The following PPM1E variants were observed in gnomAD, a reference collection of about 807,000 sequenced individuals.
PPM1E encodes protein phosphatase, Mg2+/Mn2+ dependent 1E.
Under a neutral mutation model 65.9 loss-of-function variants are expected in PPM1E, and 20 were observed. The ratio of observed to expected loss-of-function variants is 0.30; its 90% CI spans 0.21 to 0.44. The LOEUF (loss-of-function observed/expected upper bound fraction) is 0.44. Ranked by LOEUF, PPM1E falls within the 20% of genes least tolerant of loss-of-function variation. PPM1E has a pLI of 1.00. For synonymous variants in PPM1E, 352 were observed against 374.9 expected, an observed-to-expected ratio of 0.94 and a Z score of 0.70; for missense variants, 713 against 953.1, an observed-to-expected ratio of 0.75 and a Z score of 3.32.
intron 2 of PPM1E, among the ~76,000 whole-genome samples, chr17:58,957,126 A>G (rs2029887544): frequency 6.6e-6 from 1 of 152,224 alleles, no homozygotes; most frequent in South Asian, 2.1e-4. Context: ...CACTCCAGCC[A>G]GGGTAATGGC....
chr17:58,841,016 A>G (rs1406517893), intron 1 of PPM1E, among the ~76,000 whole-genome samples: 1 of 152,204 alleles, frequency 6.6e-6, no homozygotes, highest in Non-Finnish European at 1.5e-5. Context: ...GTATTCGGGA[A>G]CAGGATATTG....
chr17:58,965,773 C>T lies in PPM1E; in HGVS notation c.663C>T (p.Pro221=). 6.2e-7 allele frequency: 1 copy of T among 1,614,118 alleles called. No individual in the cohort carries two copies. The highest frequency in any genetic ancestry group is 1.1e-5 in the South Asian group (1 of 91,074). ...EICCSWVKDF[P]LRRRPQLYYE... ...GCTGCAGCTGGGTGAAAGACTTCCC[C>T]CTCCGCAGGAGACCCCAGCTTTATT... is the stretch of plus-strand genomic sequence containing the variant. The change falls in exon 3 of 7, where the codon CCC becomes CCT. Residue 221 remains proline (P), a synonymous_variant. Transcript: ENST00000308249.
chr17:58,971,123 G>A (rs1325661113), intron 4 of PPM1E, among the ~76,000 whole-genome samples: 4 of 152,050 alleles, frequency 2.6e-5, no homozygotes, highest in Admixed American at 2.6e-4. Context: ...TAACTGCTGG[G>A]AAGAAAACAG....
At chr17:58,836,487 G>A (rs879713047) in intron 1 of PPM1E, among the ~76,000 whole-genome samples, 18 of 148,872 alleles carry the variant, frequency 1.2e-4, no homozygotes, top group South Asian at 2.2e-4. Context: ...TTCTTGAGAC[G>A]GAGTCTTGCT....
chr17:58,955,587 C>T (rs372587344), intron 1 of PPM1E, 62 bp from the exon 2 acceptor site: 44 of 1,533,066 alleles, frequency 2.9e-5, no homozygotes, highest in East Asian at 2.0e-4. Context: ...ATTATTATAA[C>T]GTTAAATGTA....
intron 1 of PPM1E, among the ~76,000 whole-genome samples, chr17:58,794,157 C>T (rs2050183834): frequency 6.6e-6 from 1 of 152,092 alleles, no homozygotes; most frequent in African/African-American, 2.4e-5. Flanking sequence ...GTTGGCCAGG[C>T]TGGGTATAAA....
At chr17:58,826,718 C>T (rs1302446709) in intron 1 of PPM1E, among the ~76,000 whole-genome samples, 7 of 151,396 alleles carry the variant, frequency 4.6e-5, no homozygotes, top group Non-Finnish European at 1.0e-4. Context: ...CTCTGCCTCC[C>T]AGGTTCAAGC....
At chr17:58,913,764 G>A (rs554463100) in intron 1 of PPM1E, among the ~76,000 whole-genome samples, 1 of 152,232 alleles carries the variant, frequency 6.6e-6, no homozygotes, top group South Asian at 2.1e-4. Flanking sequence ...CTGTCTGGGT[G>A]GCACCAGCTG....
rs558011762 is a variant in PPM1E, at chr17:58,817,821, C to T, written c.464+61360C>T. On this transcript the variant is annotated intron_variant, in intron 1 of 6. Transcript: ENST00000308249. ...GGCTCGAGTGCAGTGGCACGATCTC[C>T]GCTCACTGCAAGCTCCGCCTCCTGA... Among the ~76,000 whole-genome samples, 881 of 152,032 alleles carry T rather than the reference C, an allele frequency of 5.8e-3. 5 individuals are homozygous for T. The highest frequency in any genetic ancestry group is 9.4e-3 in the African/African-American group (390 of 41,478).
At position 58,805,961 on chromosome 17, in the gene PPM1E, C is replaced by CA. The variant is rs71367632; in HGVS notation, c.464+49512dup. ...CAGGCTGTTCTGCTAAAAAAAAAAA[C>CA]AAAAAAAAAAAACAAAAAAAAAACA... On this transcript the variant is annotated intron_variant, in intron 1 of 6. Coordinates refer to ENST00000308249, the MANE Select transcript of PPM1E (RefSeq NM_014906.5). Among the ~76,000 whole-genome samples the CA allele has an allele frequency of 6.1e-3, 425 of 69,806 alleles. 18 individuals carry two copies. Among genetic ancestry groups the CA allele is most frequent in the Middle Eastern group, 0.011 (1 of 94 alleles). 45.8% of individuals were successfully genotyped at this position (69,806 alleles called of 152,430 possible).
intron 1 of PPM1E, among the ~76,000 whole-genome samples, chr17:58,769,043 G>T (rs2049909845): frequency 6.6e-6 from 1 of 151,866 alleles, no homozygotes; most frequent in East Asian, 1.9e-4. Flanking sequence ...ATAGTTCACA[G>T]CTTGGTATAT....
At chr17:58,843,599 C>T (rs550750739) in intron 1 of PPM1E, among the ~76,000 whole-genome samples, 16 of 152,034 alleles carry the variant, frequency 1.1e-4, no homozygotes, top group Non-Finnish European at 7.4e-5. Context: ...CCGAGGCAAG[C>T]GGATTGCTTG....
chr17:58,799,221 G>T (rs531541256), intron 1 of PPM1E, among the ~76,000 whole-genome samples: 1 of 152,006 alleles, frequency 6.6e-6, no homozygotes, highest in African/African-American at 2.4e-5. Context: ...TCTCTATTTT[G>T]TTGATATGCT....
chr17:58,759,455 GCTAT>G (rs1299314640), intron 1 of PPM1E, among the ~76,000 whole-genome samples: 2 of 152,254 alleles, frequency 1.3e-5, no homozygotes, highest in East Asian at 1.9e-4. Flanking sequence ...TGAATATAAG[GCTAT>G]CTGTGTAGTT....
intron 1 of PPM1E, among the ~76,000 whole-genome samples, chr17:58,777,309 T>G (rs779352090): frequency 4.6e-5 from 7 of 152,192 alleles, no homozygotes; most frequent in Non-Finnish European, 1.0e-4. Flanking sequence ...AATGCAAATT[T>G]GTAATCTTAA....
intron 1 of PPM1E, among the ~76,000 whole-genome samples, chr17:58,902,149 GA>G (rs896720008): frequency 1.7e-4 from 26 of 151,780 alleles, no homozygotes; most frequent in Non-Finnish European, 1.0e-4. Context: ...AGGTAAAGGA[GA>G]AAAAATTAAA....
rs556137440 is a variant in PPM1E, at chr17:58,837,507, T to G, written c.464+81046T>G. ...CTATTAAAATCATGAGGCTTTTTTT[T>G]TTTTTTTTAAGACAGAGTCTCACAC... On this transcript the variant is annotated intron_variant, in intron 1 of 6. Coordinates refer to ENST00000308249, the MANE Select transcript of PPM1E (RefSeq NM_014906.5). Among the ~76,000 whole-genome samples the G allele has an allele frequency of 2.0e-5, 3 of 151,388 alleles. No homozygotes were observed. The East Asian group carries it at 5.8e-4, about 29-fold the overall frequency.
At chr17:58,846,635 G>A (rs949425485) in intron 1 of PPM1E, among the ~76,000 whole-genome samples, 10 of 152,162 alleles carry the variant, frequency 6.6e-5, no homozygotes, top group Non-Finnish European at 1.5e-4. Context: ...ATTCCATGGT[G>A]TATATGTGCC....
In PPM1E at chr17:58,980,100, C is replaced by T; in HGVS notation, c.1337C>T (p.Ala446Val). The T allele has an allele frequency of 6.2e-7, 1 of 1,614,092 alleles. No homozygotes were observed. Among genetic ancestry groups the T allele is most frequent in the South Asian group, 1.1e-5 (1 of 91,068 alleles). ...GFYDTVNPDE[A>V]VKVVSDHLKE... Reference sequence around the variant, plus strand: ...TATGACACCGTGAACCCTGATGAGGCAGTGAAAGTTGTGTCCGACCACCTG... The same window carrying T: ...TATGACACCGTGAACCCTGATGAGGTAGTGAAAGTTGTGTCCGACCACCTG... The change falls in exon 7 of 7, where the codon GCA becomes GTA. Residue 446 changes from alanine (A) to valine (V), a missense_variant. Around this residue, in one of 6 missense-constraint regions of PPM1E, gnomAD observed 88 missense variants for 231.1 expected, o/e 0.38. Transcript: ENST00000308249. This position sits in a 1 kb window ranked among gnomAD's most constrained non-coding sequence, Gnocchi z 4.7.
Sources: gnomAD v4.1 joint callset for allele counts (sites outside exome capture counted in the v4.1 genomes callset) on GRCh38, gnomAD v4.1.1 for gene constraint, gnomAD v4.1.1 regional missense constraint, Gnocchi (gnomAD v3.1) non-coding constraint, MANE v1.5 for transcripts, NCBI Gene and HGNC (gene_info 2026-07-23, HGNC 2026-07-21) for gene names.